FAM107B: variants seen among roughly 807,000 people sequenced by gnomAD.
FAM107B encodes protein FAM107B.
In FAM107B, 21 loss-of-function variants were observed where a neutral mutation model predicts 31.5. The ratio of observed to expected loss-of-function variants is 0.67; its 90% confidence interval spans 0.47 to 0.96. The LOEUF (loss-of-function observed/expected upper bound fraction) is 0.96, where lower values mean the gene tolerates loss of function less well. Ranked by LOEUF, FAM107B falls within the 40% of genes least tolerant of loss-of-function variation. FAM107B has a pLI of 0.00. For missense variants in FAM107B, 452 were observed against 377.1 expected (o/e 1.20, Z -1.64); for synonymous variants, 157 against 141.5 (o/e 1.11, Z -0.78).
intron 2 of FAM107B, among the ~76,000 whole-genome samples, chr10:14,563,196 C>T (rs1461716472): frequency 6.6e-6 from 1 of 152,178 alleles, no homozygotes; most frequent in Non-Finnish European, 1.5e-5. Context: ...AGGCAACCTA[C>T]AGATGAGGGA....
rs570692065 is a variant in FAM107B, at chr10:14,704,310, T to C, written c.412-36619A>G. Among the ~76,000 whole-genome samples, 69 of 151,736 alleles carry C rather than the reference T, an allele frequency of 4.5e-4. No individual in the cohort carries two copies. In the South Asian group the frequency reaches 0.014, roughly 30 times the overall value. ...GTGTGTGTGTGTGTGTTAGTATGTA[T>C]CAAATAAATACAATAAATGAGTCAT... is the stretch of plus-strand genomic sequence containing the variant. On this transcript the variant is annotated intron_variant, in intron 1 of 4. Transcript: ENST00000181796.
At chr10:14,526,455 C>A (rs954253332) in intron 3 of FAM107B, among the ~76,000 whole-genome samples, 1 of 152,156 alleles carries the variant, frequency 6.6e-6, no homozygotes, top group Non-Finnish European at 1.5e-5. Flanking sequence ...GAATTACAGG[C>A]GTGAGCCGCC....
intron 1 of FAM107B, among the ~76,000 whole-genome samples, chr10:14,740,183 C>T (rs898845155): frequency 3.3e-5 from 5 of 152,262 alleles, no homozygotes; most frequent in South Asian, 2.1e-4. Context: ...TATTCATATT[C>T]GCCAAAACTT....
intron 2 of FAM107B, among the ~76,000 whole-genome samples, chr10:14,627,849 G>A (rs1024430379): frequency 9.2e-5 from 14 of 152,078 alleles, no homozygotes; most frequent in Admixed American, 7.2e-4. Flanking sequence ...GTGGCACAAA[G>A]AGGGAGATCA....
intron 2 of FAM107B, among the ~76,000 whole-genome samples, chr10:14,650,124 C>G (rs573796130): frequency 1.3e-5 from 2 of 152,098 alleles, no homozygotes; most frequent in South Asian, 4.1e-4. Context: ...GTCAATGCTA[C>G]ATTTGAGGTC....
intron 1 of FAM107B, among the ~76,000 whole-genome samples, chr10:14,693,892 GGTAA>G (rs772490014): frequency 2.8e-4 from 42 of 152,276 alleles, no homozygotes; most frequent in South Asian, 8.3e-4. Flanking sequence ...ATGTAAGTGA[GGTAA>G]GTGAGATGAT....
intron 2 of FAM107B, among the ~76,000 whole-genome samples, chr10:14,611,279 T>G (rs1311919499): frequency 6.6e-6 from 1 of 152,100 alleles, no homozygotes; most frequent in African/African-American, 2.4e-5. Context: ...TCTCTGCAAT[T>G]AAGCAATATG....
chr10:14,618,967 G>T (rs568550456), intron 2 of FAM107B, among the ~76,000 whole-genome samples: 110 of 152,272 alleles, frequency 7.2e-4, no homozygotes, highest in Middle Eastern at 3.4e-3. Context: ...GAAGAAGATG[G>T]TCTTGTGACA....
intron 2 of FAM107B, among the ~76,000 whole-genome samples, chr10:14,568,110 T>C (rs540632316): frequency 6.6e-6 from 1 of 152,270 alleles, no homozygotes; most frequent in South Asian, 2.1e-4. Flanking sequence ...CACGAAATGC[T>C]AGCACTGAGG....
chr10:14,737,208 T>C (rs977416396), intron 1 of FAM107B, among the ~76,000 whole-genome samples: 5 of 152,050 alleles, frequency 3.3e-5, no homozygotes, highest in Admixed American at 2.6e-4. Flanking sequence ...GTAGGGCTTC[T>C]CTTTTATTCA....
chr10:14,769,415 C>G (rs189943483), intron 1 of FAM107B, among the ~76,000 whole-genome samples: 132 of 152,250 alleles, frequency 8.7e-4, no homozygotes, highest in African/African-American at 3.0e-3. Context: ...GACGGAGTCT[C>G]ATTCTGTCAC....
intron 1 of FAM107B, among the ~76,000 whole-genome samples, chr10:14,756,737 A>C (rs980418775): frequency 2.6e-5 from 4 of 152,238 alleles, no homozygotes; most frequent in African/African-American, 9.6e-5. Flanking sequence ...CACTGCTCAC[A>C]ATAGCAAAGA....
chr10:14,722,673 A>G (rs184227360), intron 1 of FAM107B, among the ~76,000 whole-genome samples: 38 of 152,158 alleles, frequency 2.5e-4, no homozygotes, highest in African/African-American at 8.7e-4. Flanking sequence ...TGATCTTTTT[A>G]TTGTTAAGTT....
chr10:14,694,687 T>C (rs1438491517), intron 1 of FAM107B, among the ~76,000 whole-genome samples: 2 of 152,198 alleles, frequency 1.3e-5, no homozygotes, highest in African/African-American at 4.8e-5. Flanking sequence ...TTTTGAATTT[T>C]TGATAATTGC....
chr10:14,757,740 G>A (rs1385967699), intron 1 of FAM107B, among the ~76,000 whole-genome samples: 4 of 152,204 alleles, frequency 2.6e-5, no homozygotes, highest in African/African-American at 9.6e-5. Context: ...ATTTCTTAAA[G>A]CAGGCAGGGC....
intron 2 of FAM107B, among the ~76,000 whole-genome samples, chr10:14,653,652 A>T (rs1237361655): frequency 6.6e-6 from 1 of 152,254 alleles, no homozygotes; most frequent in African/African-American, 2.4e-5. Context: ...GGCAATGCAC[A>T]GTTGCAAAAT....
Position 14,725,734 on chromosome 10 carries a change from C to T in FAM107B, c.411+48519G>A, listed in dbSNP as rs1588733971. On this transcript the variant is annotated intron_variant, in intron 1 of 4. Coordinates refer to ENST00000181796, the MANE Select transcript of FAM107B (RefSeq NM_031453.4). ...CATGATCTTATCTAAACCTAATTAT[C>T]TTCCAAAGTCCCCACCTCCTAATTT... Among the ~76,000 whole-genome samples the T allele has an allele frequency of 1.3e-5, 2 of 151,738 alleles. 1 individual carries two copies. The highest frequency in any genetic ancestry group is 3.9e-4 in the East Asian group (2 of 5,176).
intron 1 of FAM107B, among the ~76,000 whole-genome samples, chr10:14,672,827 C>T (rs548940978): frequency 2.0e-4 from 30 of 152,312 alleles, no homozygotes; most frequent in African/African-American, 6.7e-4. Flanking sequence ...CTTAAAAACA[C>T]GAACCAAATA....
intron 2 of FAM107B, among the ~76,000 whole-genome samples, chr10:14,543,286 G>GA (rs748694501): frequency 5.9e-5 from 9 of 151,536 alleles, no homozygotes; most frequent in Non-Finnish European, 1.0e-4. Context: ...AAAAGGAAAA[G>GA]AAAAAAAACA....
Sources: allele counts gnomAD v4.1 joint callset (sites outside exome capture counted in the v4.1 genomes callset), GRCh38; gene constraint gnomAD v4.1.1; transcripts MANE v1.5; gene names NCBI Gene and HGNC (gene_info 2026-07-23, HGNC 2026-07-21).